Variants in LRRC37A2 observed in about 807,000 individuals in gnomAD.
LRRC37A2 encodes the protein leucine-rich repeat-containing protein 37A2.
A neutral mutation model predicts 68.8 loss-of-function variants in LRRC37A2; 9 were observed. The observed-to-expected ratio is 0.13, with a 90% CI of 0.08 to 0.23. The LOEUF (loss-of-function observed/expected upper bound fraction) is 0.23, where lower values mean the gene tolerates loss of function less well. Among genes scored for constraint, LRRC37A2 ranks in the 10% least tolerant of loss-of-function variants. The probability of loss-of-function intolerance (pLI) is 1.00; values close to 1 mark genes in which losing one functional copy is unlikely to be tolerated. For missense variants in LRRC37A2, 168 were observed against 950.4 expected (o/e 0.18, Z 10.82); for synonymous variants, 63 against 367.6 (o/e 0.17, Z 9.48).
the LRRC37A2 span, chr17:46,931,244 G>T: frequency 3.1e-6 from 3 of 966,704 alleles, no homozygotes; most frequent in South Asian, 2.6e-5. Context: ...TGATACTCCA[G>T]GCCCATCAAG....
chr17:46,984,591 C>A, the LRRC37A2 span, among the ~76,000 whole-genome samples: 1 of 152,296 alleles, frequency 6.6e-6, no homozygotes, highest in East Asian at 1.9e-4. Flanking sequence ...AGCTTTATGC[C>A]CTGCTGTCTC....
chr17:47,035,047 G>A, the LRRC37A2 span: 1 of 152,138 alleles, frequency 6.6e-6, no homozygotes, highest in African/African-American at 2.4e-5. Context: ...GACTCACTCT[G>A]ATCTTGGTCA....
At chr17:46,753,839 C>G in the LRRC37A2 span, among the ~76,000 whole-genome samples, 1 of 152,214 alleles carries the variant, frequency 6.6e-6, no homozygotes, top group East Asian at 1.9e-4. Context: ...TGAGTGAATT[C>G]TCTTTAGATC....
the LRRC37A2 span, among the ~76,000 whole-genome samples, chr17:46,875,827 AG>A: frequency 6.6e-6 from 1 of 152,150 alleles, no homozygotes; most frequent in Non-Finnish European, 1.5e-5. Context: ...CAGTAGTGGG[AG>A]GTCTGGAGGG....
chr17:46,979,439 C>T, the LRRC37A2 span, among the ~76,000 whole-genome samples: 1 of 152,182 alleles, frequency 6.6e-6, no homozygotes, highest in Non-Finnish European at 1.5e-5. Context: ...CGCGGGCCGG[C>T]GAAACTCCAC....
At chr17:47,018,462 G>T in the LRRC37A2 span, 1 of 1,537,486 alleles carries the variant, frequency 6.5e-7, no homozygotes, top group South Asian at 1.1e-5. Context: ...CATAGCAGCA[G>T]AGCCTAGTGC....
the LRRC37A2 span, among the ~76,000 whole-genome samples, chr17:46,908,424 G>T: frequency 6.6e-6 from 1 of 152,184 alleles, no homozygotes; most frequent in African/African-American, 2.4e-5. Flanking sequence ...TGAAAATAGG[G>T]TAAGGGAGGA....
At chr17:46,720,781 C>T in the LRRC37A2 span, among the ~76,000 whole-genome samples, 2 of 152,150 alleles carry the variant, frequency 1.3e-5, no homozygotes, top group African/African-American at 4.8e-5. Context: ...CTGAGATGAA[C>T]TCTTTCAGCT....
At chr17:46,598,526 C>T in the LRRC37A2 span, among the ~76,000 whole-genome samples, 163 of 152,214 alleles carry the variant, frequency 1.1e-3, no homozygotes, top group Non-Finnish European at 2.0e-3. Context: ...TAGTCGAGGT[C>T]ATCTGTTTGG....
chr17:46,953,871 C>A, the LRRC37A2 span, among the ~76,000 whole-genome samples: 6 of 152,156 alleles, frequency 3.9e-5, no homozygotes, highest in African/African-American at 1.4e-4. Context: ...CCTTCGCCCA[C>A]TTGTTGATGG....
chr17:46,955,764 C>T, the LRRC37A2 span: 1 of 152,270 alleles, frequency 6.6e-6, no homozygotes, highest in Non-Finnish European at 1.5e-5. Flanking sequence ...TTTGTTAACA[C>T]TTTGATTCAG....
the LRRC37A2 span, among the ~76,000 whole-genome samples, chr17:46,732,170 A>G: frequency 3.3e-4 from 50 of 152,350 alleles, no homozygotes; most frequent in African/African-American, 1.2e-3. Context: ...AGGAGGAACT[A>G]TACTTATATA....
At chr17:46,613,971 G>A in the LRRC37A2 span, among the ~76,000 whole-genome samples, 1 of 24,374 alleles carries the variant, frequency 4.1e-5, no homozygotes, top group Non-Finnish European at 6.5e-5. Flanking sequence ...AGTTTGGAAT[G>A]TGGGGTACAT....
chr17:46,704,604 TC>T, the LRRC37A2 span, among the ~76,000 whole-genome samples: 2 of 150,928 alleles, frequency 1.3e-5, no homozygotes, highest in Non-Finnish European at 2.9e-5. Context: ...TGGATATTAA[TC>T]CCTTATCACA....
chr17:46,704,958 T>A, the LRRC37A2 span: 2 of 1,089,142 alleles, frequency 1.8e-6, no homozygotes, highest in South Asian at 3.4e-5. Context: ...GGTTATAGCA[T>A]ATGCAGTTTC....
At chr17:46,890,105 TG>T in the LRRC37A2 span, among the ~76,000 whole-genome samples, 1 of 152,220 alleles carries the variant, frequency 6.6e-6, no homozygotes, top group African/African-American at 2.4e-5. Flanking sequence ...GTCTGCTCTA[TG>T]TCTTTTGTCC....
the LRRC37A2 span, among the ~76,000 whole-genome samples, chr17:46,984,345 C>T: frequency 2.0e-5 from 3 of 151,910 alleles, no homozygotes; most frequent in African/African-American, 7.3e-5. Context: ...GGGAGTGCTT[C>T]GTTGTTGGGG....
At chr17:46,976,218 G>C in the LRRC37A2 span, among the ~76,000 whole-genome samples, 1 of 148,462 alleles carries the variant, frequency 6.7e-6, no homozygotes, top group East Asian at 2.2e-4. Flanking sequence ...GAGCCACCAC[G>C]CCTGGCGATA....
chr17:46,977,300 G>A, the LRRC37A2 span, among the ~76,000 whole-genome samples: 1 of 152,208 alleles, frequency 6.6e-6, no homozygotes, highest in South Asian at 2.1e-4. Context: ...AGAAGAAAGG[G>A]AGAAATCCAG....
Sources: allele counts gnomAD v4.1 joint callset (sites outside exome capture counted in the v4.1 genomes callset), GRCh38; gene constraint gnomAD v4.1.1; transcripts MANE v1.5; gene names NCBI Gene and HGNC (gene_info 2026-07-23, HGNC 2026-07-21).